Variants in SCRG1 observed in about 807,000 individuals in gnomAD.
The protein encoded by SCRG1 is stimulator of chondrogenesis 1.
SCRG1 carries 3 observed loss-of-function variants against 7.7 expected under a neutral mutation model. That is an observed-to-expected ratio of 0.39 (90% CI 0.18 to 1.01). The LOEUF (loss-of-function observed/expected upper bound fraction) is 1.01, where lower values mean the gene tolerates loss of function less well. Among genes scored for constraint, SCRG1 ranks in the 50% least tolerant of loss-of-function variants. SCRG1 has a pLI of 0.36. For missense variants in SCRG1, 110 were observed against 117.2 expected (o/e 0.94, Z 0.28); for synonymous variants, 46 against 41.2 (o/e 1.12, Z -0.44).
chr4:173,445,046 A>C, the SCRG1 span, among the ~76,000 whole-genome samples: 2 of 152,182 alleles, frequency 1.3e-5, no homozygotes, highest in Non-Finnish European at 2.9e-5. Context: ...GGGCAAAGTA[A>C]TATGCTTTGA....
chr4:173,441,968 C>T, the SCRG1 span, among the ~76,000 whole-genome samples: 1 of 152,172 alleles, frequency 6.6e-6, no homozygotes, highest in African/African-American at 2.4e-5. Context: ...GCAAAGGAGA[C>T]GATGTTGACC....
the SCRG1 span, among the ~76,000 whole-genome samples, chr4:173,493,923 T>A: frequency 6.6e-6 from 1 of 152,180 alleles, no homozygotes; most frequent in African/African-American, 2.4e-5. Context: ...AATATAATAG[T>A]AAAATGAGGT....
the SCRG1 span, among the ~76,000 whole-genome samples, chr4:173,507,461 C>T: frequency 7.7e-4 from 118 of 152,304 alleles, 2 homozygotes; most frequent in East Asian, 0.023. This position sits in a 1 kb window ranked among gnomAD's most constrained non-coding sequence, Gnocchi z 4.4. Flanking sequence ...CCACCTGCCT[C>T]GGCCTCCCAA....
At chr4:173,483,271 ATATATAATATATG>A in the SCRG1 span, among the ~76,000 whole-genome samples, 1 of 17,762 alleles carries the variant, frequency 5.6e-5, no homozygotes, top group Admixed American at 9.5e-4. Flanking sequence ...ATCATATATG[ATATATAATATATG>A]ATATATCATA....
chr4:173,457,452 T>C, the SCRG1 span, among the ~76,000 whole-genome samples: 1 of 152,228 alleles, frequency 6.6e-6, no homozygotes, highest in African/African-American at 2.4e-5. Flanking sequence ...TTTTTGTCTC[T>C]GTTTTCCATA....
the SCRG1 span, among the ~76,000 whole-genome samples, chr4:173,475,703 A>G: frequency 6.6e-6 from 1 of 152,214 alleles, no homozygotes; most frequent in Non-Finnish European, 1.5e-5. Context: ...AGTATCAATC[A>G]TTGGATGAAA....
At chr4:173,496,798 C>A in the SCRG1 span, among the ~76,000 whole-genome samples, 1 of 152,252 alleles carries the variant, frequency 6.6e-6, no homozygotes, top group African/African-American at 2.4e-5. Flanking sequence ...AAACAGGACC[C>A]TGATGATTAC....
At chr4:173,426,126 C>T in the SCRG1 span, among the ~76,000 whole-genome samples, 4 of 152,218 alleles carry the variant, frequency 2.6e-5, no homozygotes, top group Admixed American at 1.3e-4. Flanking sequence ...TTGAATGGGA[C>T]ATACTTATAA....
chr4:173,484,973 ATAT>A, the SCRG1 span, among the ~76,000 whole-genome samples: 1 of 34,266 alleles, frequency 2.9e-5, no homozygotes, highest in African/African-American at 1.1e-4. Context: ...ATTATATATA[ATAT>A]TATAAATATA....
chr4:173,501,616 CCT>C, the SCRG1 span, among the ~76,000 whole-genome samples: 1 of 152,092 alleles, frequency 6.6e-6, no homozygotes. This position sits in a 1 kb window ranked among gnomAD's most constrained non-coding sequence, Gnocchi z 5.1. Context: ...CCGGGCTCTC[CCT>C]GACCCTAGAG....
intron 1 of SCRG1, among the ~76,000 whole-genome samples, chr4:173,405,931 T>C (rs1260260989): frequency 6.6e-6 from 1 of 152,202 alleles, no homozygotes; most frequent in African/African-American, 2.4e-5. Flanking sequence ...GGGAGCTAGG[T>C]GTGCTCACTA....
At chr4:173,415,995 G>C in the SCRG1 span, among the ~76,000 whole-genome samples, 1 of 152,222 alleles carries the variant, frequency 6.6e-6, no homozygotes, top group African/African-American at 2.4e-5. Flanking sequence ...AAGTCTCTAG[G>C]AGGCCCTGGT....
At chr4:173,460,592 G>C in the SCRG1 span, among the ~76,000 whole-genome samples, 2 of 152,196 alleles carry the variant, frequency 1.3e-5, no homozygotes, top group Non-Finnish European at 2.9e-5. Context: ...TGCCCTGAAG[G>C]AAAGGACCCA....
chr4:173,475,155 G>A, the SCRG1 span, among the ~76,000 whole-genome samples: 2 of 152,114 alleles, frequency 1.3e-5, no homozygotes, highest in Admixed American at 1.3e-4. Flanking sequence ...AGAAAAAAAA[G>A]AGCCTCTACT....
At chr4:173,494,794 G>A in the SCRG1 span, among the ~76,000 whole-genome samples, 1 of 152,254 alleles carries the variant, frequency 6.6e-6, no homozygotes, top group Non-Finnish European at 1.5e-5. Context: ...TGTTAGACTA[G>A]TGGATTCCAC....
chr4:173,410,867 G>A (rs1322345606), upstream of SCRG1, among the ~76,000 whole-genome samples: 1 of 152,152 alleles, frequency 6.6e-6, no homozygotes, highest in East Asian at 1.9e-4. Flanking sequence ...TTAGATATTA[G>A]GTCATGACAA....
chr4:173,499,295 A>G, the SCRG1 span, among the ~76,000 whole-genome samples: 1 of 152,188 alleles, frequency 6.6e-6, no homozygotes, highest in Non-Finnish European at 1.5e-5. The surrounding 1 kb of genome is among the most constrained non-coding windows in gnomAD (Gnocchi z 4.1). Context: ...GCTCCATCCT[A>G]TCCGTGTTCC....
At chr4:173,408,024 T>C (rs1376137179), upstream of SCRG1, among the ~76,000 whole-genome samples, 1 of 152,206 alleles carries the variant, frequency 6.6e-6, no homozygotes, top group Non-Finnish European at 1.5e-5. Context: ...TACAACACAG[T>C]ATTAGATAAC....
chr4:173,502,833 C>T, the SCRG1 span, among the ~76,000 whole-genome samples: 2 of 151,126 alleles, frequency 1.3e-5, no homozygotes, highest in African/African-American at 4.8e-5. The surrounding 1 kb of genome is among the most constrained non-coding windows in gnomAD (Gnocchi z 4.6). Flanking sequence ...CAAGCGTCTT[C>T]CACAGCCCAG....
Sources: gnomAD v4.1 joint callset for allele counts (sites outside exome capture counted in the v4.1 genomes callset) on GRCh38, gnomAD v4.1.1 for gene constraint, Gnocchi (gnomAD v3.1) non-coding constraint, MANE v1.5 for transcripts, NCBI Gene and HGNC (gene_info 2026-07-23, HGNC 2026-07-21) for gene names.